The following RORA variants were observed in gnomAD, a reference collection of about 807,000 sequenced individuals.
RORA encodes RAR related orphan receptor A, also known as nuclear receptor ROR-alpha.
In RORA, 7 loss-of-function variants were observed where a neutral mutation model predicts 69.5. That is an observed-to-expected ratio of 0.10 (90% CI 0.06 to 0.19). RORA has a LOEUF of 0.19. Ranked by LOEUF, RORA falls within the 10% of genes least tolerant of loss-of-function variation. The pLI is 1.00. For missense variants in RORA, 457 were observed against 663.0 expected, an observed-to-expected ratio of 0.69 and a Z score of 3.41; for synonymous variants, 261 against 240.8, an observed-to-expected ratio of 1.08 and a Z score of -0.78.
chr15:60,795,276 G>A (rs2072478103), intron 1 of RORA, among the ~76,000 whole-genome samples: 1 of 152,210 alleles, frequency 6.6e-6, no homozygotes, highest in South Asian at 2.1e-4. Flanking sequence ...TTCACCTTCT[G>A]TAGGCTGGCA....
intron 2 of RORA, among the ~76,000 whole-genome samples, chr15:60,624,280 A>G (rs1326598416): frequency 6.7e-6 from 1 of 149,648 alleles, no homozygotes; most frequent in East Asian, 2.0e-4. Context: ...CTTTTCCTGG[A>G]CCACTGGAAG....
chr15:60,549,850 A>G (rs1249888821), intron 2 of RORA, among the ~76,000 whole-genome samples: 1 of 152,224 alleles, frequency 6.6e-6, no homozygotes, highest in Non-Finnish European at 1.5e-5. Context: ...TTAAAGTCCT[A>G]CTTTTTATAA....
intron 1 of RORA, among the ~76,000 whole-genome samples, chr15:60,802,481 C>A (rs1188655932): frequency 6.6e-6 from 1 of 152,144 alleles, no homozygotes; most frequent in African/African-American, 2.4e-5. Flanking sequence ...TCTCTCTCTT[C>A]CCCTGCAGAA....
At chr15:60,984,914 C>T (rs1274813864) in intron 1 of RORA, among the ~76,000 whole-genome samples, 1 of 149,260 alleles carries the variant, frequency 6.7e-6, no homozygotes, top group African/African-American at 2.5e-5. Context: ...GGAACTAGTT[C>T]TTCACTATAG....
chr15:60,641,619 C>T (rs945852412), intron 2 of RORA, among the ~76,000 whole-genome samples: 12 of 152,006 alleles, frequency 7.9e-5, no homozygotes, highest in African/African-American at 2.4e-4. Flanking sequence ...CCATGTTGGC[C>T]GGGCTGGTCT....
chr15:60,540,763 T>C (rs552559979), intron 2 of RORA, among the ~76,000 whole-genome samples: 1 of 152,254 alleles, frequency 6.6e-6, no homozygotes, highest in African/African-American at 2.4e-5. Flanking sequence ...TCAAGAAATA[T>C]TCCCCAACTA....
At chr15:60,696,885 C>A (rs530560894) in intron 1 of RORA, among the ~76,000 whole-genome samples, 14 of 152,186 alleles carry the variant, frequency 9.2e-5, no homozygotes, top group Admixed American at 4.6e-4. Context: ...ATGGATATAG[C>A]CTTAGAGGCA....
intron 1 of RORA, among the ~76,000 whole-genome samples, chr15:61,178,957 T>G (rs2079656617): frequency 6.6e-6 from 1 of 152,216 alleles, no homozygotes; most frequent in Admixed American, 6.5e-5. Flanking sequence ...TCTACATACT[T>G]TTTCCTTTGG....
At position 60,491,379 on chromosome 15, in the gene RORA, A is replaced by C. The variant is rs959360174; in HGVS notation, c.*6076T>G. The C allele has an allele frequency of 6.6e-6, 1 of 152,134 alleles. No individual in the cohort carries two copies. The highest frequency in any genetic ancestry group is 1.5e-5 in the Non-Finnish European group (1 of 68,010). The allele number at this position is 152,134 out of a possible 1,614,324, so 9.4% of individuals were successfully genotyped here. On this transcript the variant is annotated 3_prime_UTR_variant, in exon 11 of 11. Coordinates refer to ENST00000335670, the MANE Select transcript of RORA (RefSeq NM_134261.3). ...GTTCTTAGAAGGATGAAAGTAAAAG[A>C]AGTGTGGTACTGCTAATGTGGCAAA...
chr15:60,736,735 A>G (rs910287942), intron 1 of RORA: 5 of 152,152 alleles, frequency 3.3e-5, no homozygotes, highest in African/African-American at 9.7e-5. Context: ...CTAAAAATTT[A>G]TACTGGGGAA....
chr15:60,692,972 C>T (rs1014412657), intron 1 of RORA, among the ~76,000 whole-genome samples: 2 of 152,292 alleles, frequency 1.3e-5, no homozygotes, highest in East Asian at 1.9e-4. Flanking sequence ...CATCCTGATA[C>T]CGAAACCTGG....
In RORA at chr15:61,070,943, AG is replaced by A. The variant is rs995831969; in HGVS notation, c.166+158109del. Among the ~76,000 whole-genome samples the A allele has an allele frequency of 2.0e-4, 30 of 152,074 alleles. No individual in the cohort carries two copies. The South Asian group carries it at 5.8e-3, about 30-fold the overall frequency. On this transcript the variant is annotated intron_variant, in intron 1 of 10. Transcript: ENST00000335670. The stretch of plus-strand genomic sequence containing the variant: ...GTATAAATTGGACTTTAAGAACATA[AG>A]CGGTTTACATATTCAGATTACATTC...
chr15:60,786,215 C>A (rs374138568), intron 1 of RORA, among the ~76,000 whole-genome samples: 45 of 152,308 alleles, frequency 3.0e-4, no homozygotes, highest in Middle Eastern at 6.8e-3. Flanking sequence ...ATAGGATGTT[C>A]TACCTTGGAC....
intron 1 of RORA, among the ~76,000 whole-genome samples, chr15:61,215,031 ATTTTTTTTT>A (rs61132940): frequency 5.7e-4 from 46 of 80,634 alleles, no homozygotes; most frequent in African/African-American, 8.0e-4. Flanking sequence ...CGCCCAGCTA[ATTTTTTTTT>A]TTTTTTTTTT....
At chr15:60,902,193 G>A (rs1891411522) in intron 1 of RORA, among the ~76,000 whole-genome samples, 1 of 152,098 alleles carries the variant, frequency 6.6e-6, no homozygotes, top group South Asian at 2.1e-4. Context: ...TTTAAAAGCT[G>A]TCCTTGTAGT....
In RORA at chr15:61,170,924, T is replaced by C. The variant is rs546797990; in HGVS notation, c.166+58129A>G. Among the ~76,000 whole-genome samples the C allele has an allele frequency of 3.3e-5, 5 of 152,350 alleles. No homozygotes were observed. The East Asian group carries it at 9.6e-4, about 29-fold the overall frequency. On this transcript the variant is annotated intron_variant, in intron 1 of 10. Transcript: ENST00000335670. The stretch of plus-strand genomic sequence containing the variant: ...AAATGTTTACTGGGCACCCTCTAGA[T>C]ACCATACTTTCCATTCCTCACAATA...
chr15:60,747,307 G>T (rs529871748), intron 1 of RORA, among the ~76,000 whole-genome samples: 1 of 152,170 alleles, frequency 6.6e-6, no homozygotes, highest in African/African-American at 2.4e-5. Flanking sequence ...CATGTTCAAT[G>T]CTTCTTATCC....
intron 1 of RORA, among the ~76,000 whole-genome samples, chr15:60,899,382 G>C (rs2140465888): frequency 6.6e-6 from 1 of 152,292 alleles, no homozygotes; most frequent in East Asian, 1.9e-4. Context: ...GCTCTTATCT[G>C]ATTGAAATGC....
intron 1 of RORA, among the ~76,000 whole-genome samples, chr15:61,136,794 T>G (rs903334427): frequency 1.3e-5 from 2 of 152,158 alleles, no homozygotes; most frequent in Non-Finnish European, 2.9e-5. Context: ...TTGTTCACAG[T>G]GCCTTCCTCT....
Sources: allele counts gnomAD v4.1 joint callset (sites outside exome capture counted in the v4.1 genomes callset), GRCh38; gene constraint gnomAD v4.1.1; transcripts MANE v1.5; gene names NCBI Gene and HGNC (gene_info 2026-07-23, HGNC 2026-07-21).